The following APIP variants were observed in gnomAD, a reference collection of about 807,000 sequenced individuals.
APIP encodes the protein APAF1 interacting protein, also known as methylthioribulose-1-phosphate dehydratase.
In APIP, 32 loss-of-function variants were observed where a neutral mutation model predicts 32.0. The observed-to-expected ratio is 1.00, with a 90% CI of 0.76 to 1.34. The LOEUF (loss-of-function observed/expected upper bound fraction) is 1.34, where lower values mean the gene tolerates loss of function less well. APIP is among the 40% of genes most tolerant of loss of function. The probability of loss-of-function intolerance (pLI) is 0.00; values close to 1 mark genes in which losing one functional copy is unlikely to be tolerated. For synonymous variants in APIP, 92 were observed against 94.8 expected (o/e 0.97, Z 0.17); for missense variants, 247 against 298.6 (o/e 0.83, Z 1.27).
chr11:34,905,481 C>T lies in APIP; in HGVS notation c.58-10371G>A, dbSNP rs531327827. Reference sequence around the variant, plus strand: ...GGGAGCAACACTCTGCTCCCAGTGCCGGAGAACACTCTGCCTGAAGATAAG... The same window carrying T: ...GGGAGCAACACTCTGCTCCCAGTGCTGGAGAACACTCTGCCTGAAGATAAG... On this transcript the variant is annotated intron_variant, in intron 1 of 6. Coordinates refer to ENST00000395787, the MANE Select transcript of APIP (RefSeq NM_015957.4). Among the ~76,000 whole-genome samples, 5 of 152,264 alleles carry T rather than the reference C, an allele frequency of 3.3e-5. No homozygotes were observed. The South Asian group carries it at 8.3e-4, about 25-fold the overall frequency.
In APIP at chr11:34,882,782, C is replaced by T. The variant is rs142291500; in HGVS notation, c.664G>A (p.Val222Ile). ...ECYDYLFDIA[V>I]SMKKVGLDPS... ...TCAAGTCCTACTTTCTTCATTGATA[C>T]GGCAATATCAAATAAATAGTCATAA... The change falls in exon 7 of 7, where the codon GTA becomes ATA. Residue 222 changes from valine (V) to isoleucine (I), a missense_variant. Coordinates refer to ENST00000395787, the MANE Select transcript of APIP (RefSeq NM_015957.4). 63 of 1,608,494 alleles carry T rather than the reference C, an allele frequency of 3.9e-5. 1 individual carries two copies. The highest frequency in any genetic ancestry group is 1.6e-4 in the Middle Eastern group (1 of 6,062).
Position 34,915,234 on chromosome 11 carries a change from C to T in APIP, c.57+994G>A, listed in dbSNP as rs374893046. On this transcript the variant is annotated intron_variant, in intron 1 of 6. Transcript: ENST00000395787. ...TTCTCCATACACACTTGCCCAGGAA[C>T]GATCTCCAGTTACCTGTCCTGTCTC... 6.4e-4 allele frequency among the ~76,000 whole-genome samples: 98 copies of T among 152,278 alleles called. 1 individual carries two copies. The South Asian group carries it at 0.02, about 31-fold the overall frequency.
intron 1 of APIP, among the ~76,000 whole-genome samples, chr11:34,901,254 A>C (rs1281647718): frequency 6.6e-6 from 1 of 152,120 alleles, no homozygotes; most frequent in Non-Finnish European, 1.5e-5. Context: ...ATTTTAAGAA[A>C]GAATGTCCAG....
chr11:34,892,556 T>C (rs1853200757), intron 2 of APIP, among the ~76,000 whole-genome samples: 1 of 152,200 alleles, frequency 6.6e-6, no homozygotes, highest in African/African-American at 2.4e-5. Flanking sequence ...AATATTACTC[T>C]GTGAAAACAG....
chr11:34,899,935 T>C (rs1160024600), intron 1 of APIP, among the ~76,000 whole-genome samples: 1 of 152,240 alleles, frequency 6.6e-6, no homozygotes, highest in Non-Finnish European at 1.5e-5. Context: ...AGATCATCTT[T>C]AGCATGTGGT....
intron 5 of APIP, among the ~76,000 whole-genome samples, chr11:34,883,792 T>C (rs965605020): frequency 3.9e-5 from 6 of 152,184 alleles, no homozygotes; most frequent in African/African-American, 1.4e-4. Flanking sequence ...CATATAAATG[T>C]TTCCTTGAAG....
intron 1 of APIP, among the ~76,000 whole-genome samples, chr11:34,902,517 G>T (rs1481389674): frequency 6.6e-6 from 1 of 151,600 alleles, no homozygotes; most frequent in East Asian, 1.9e-4. Context: ...GAGTATTAGG[G>T]GAAGAGAGGA....
chr11:34,903,955 G>C (rs144506870), intron 1 of APIP, among the ~76,000 whole-genome samples: 497 of 152,294 alleles, frequency 3.3e-3, no homozygotes, highest in African/African-American at 0.011. Context: ...GTTTTCAGGA[G>C]AGAACTTACC....
intron 1 of APIP, 105 bp downstream of exon 1, chr11:34,916,123 C>G: frequency 6.9e-7 from 1 of 1,450,018 alleles, no homozygotes; most frequent in African/African-American, 1.4e-5. Context: ...AACCCCGCCC[C>G]GCAGCTAAAC....
intron 1 of APIP, among the ~76,000 whole-genome samples, chr11:34,912,395 C>T (rs977993118): frequency 6.6e-6 from 1 of 152,170 alleles, no homozygotes; most frequent in African/African-American, 2.4e-5. Flanking sequence ...GTGAGCAAGT[C>T]TTCCAAATCT....
chr11:34,913,003 T>G (rs933826538), intron 1 of APIP, among the ~76,000 whole-genome samples: 1 of 152,122 alleles, frequency 6.6e-6, no homozygotes, highest in Admixed American at 6.5e-5. Context: ...CAGGCCCCAA[T>G]CACTAGATCA....
chr11:34,915,970 T>G, intron 1 of APIP: 2 of 570,856 alleles, frequency 3.5e-6, no homozygotes, highest in Non-Finnish European at 6.2e-6. Flanking sequence ...CCTCTCTCAG[T>G]TATTTGCTTC....
At chr11:34,885,505 T>C (rs1490701037) in intron 5 of APIP, among the ~76,000 whole-genome samples, 1 of 152,030 alleles carries the variant, frequency 6.6e-6, no homozygotes, top group African/African-American at 2.4e-5. Context: ...TTGCCTCTAG[T>C]GGACAAGGGC....
chr11:34,890,416 T>A, intron 3 of APIP, 88 bp downstream of exon 3: 1 of 1,280,630 alleles, frequency 7.8e-7, no homozygotes, highest in Non-Finnish European at 1.1e-6. Context: ...TATGATAAAA[T>A]GAATGTTTTC....
At chr11:34,910,482 G>A (rs891546) in intron 1 of APIP, among the ~76,000 whole-genome samples, 56,675 of 152,052 alleles carry the variant, frequency 0.37, 10,954 homozygotes, top group East Asian at 0.74. Context: ...GTAACATGAG[G>A]AGACAGGGAA....
chr11:34,905,877 G>C (rs1398667791), intron 1 of APIP, among the ~76,000 whole-genome samples: 1 of 152,120 alleles, frequency 6.6e-6, no homozygotes, highest in Admixed American at 6.5e-5. Flanking sequence ...ACAGATCTGT[G>C]GGCAAACTGG....
At chr11:34,888,585 A>C (rs575264512) in intron 4 of APIP, among the ~76,000 whole-genome samples, 157 bp from the exon 5 acceptor site, 2 of 152,192 alleles carry the variant, frequency 1.3e-5, no homozygotes, top group Non-Finnish European at 2.9e-5. Context: ...GGTAAGTGGA[A>C]TAATGGACCT....
At chr11:34,885,168 GTATAACTATATATGTATATATATACCTA>G (rs1853044122) in intron 5 of APIP, among the ~76,000 whole-genome samples, 1 of 147,070 alleles carries the variant, frequency 6.8e-6, no homozygotes, top group Admixed American at 6.8e-5. Flanking sequence ...AGGTATACAT[GTATAACTATATATGTATATATATACCTA>G]TATAACTATA....
chr11:34,916,066 G>C (rs1312507491), intron 1 of APIP, 162 bp downstream of exon 1: 11 of 943,476 alleles, frequency 1.2e-5, no homozygotes, highest in Admixed American at 2.9e-5. Context: ...CCTTGCTTCC[G>C]AACGCCAAGG....
Sources: gnomAD v4.1 joint callset for allele counts (sites outside exome capture counted in the v4.1 genomes callset) on GRCh38, gnomAD v4.1.1 for gene constraint, MANE v1.5 for transcripts, NCBI Gene and HGNC (gene_info 2026-07-23, HGNC 2026-07-21) for gene names.